ZC2HC1B: variants seen among roughly 807,000 people sequenced by gnomAD.
The protein encoded by ZC2HC1B is zinc finger C2HC-type containing 1B.
In ZC2HC1B, 36 loss-of-function variants were observed where a neutral mutation model predicts 31.0. The ratio of observed to expected loss-of-function variants is 1.16; its 90% CI spans 0.89 to 1.54. ZC2HC1B has a LOEUF of 1.54. Ranked by LOEUF, ZC2HC1B falls within the 40% of genes most tolerant of loss-of-function variation. The pLI is 0.00. For synonymous variants in ZC2HC1B, 73 were observed against 88.0 expected (o/e 0.83, Z 0.95); for missense variants, 260 against 268.6 (o/e 0.97, Z 0.22).
rs866396429 is a variant in ZC2HC1B at position 143,865,556 on chromosome 6, G to T, written c.28+989G>T. On this transcript the variant is annotated intron_variant, in intron 1 of 7. Transcript: ENST00000237275. The surrounding 1 kb of genome is among the most constrained non-coding windows in gnomAD (Gnocchi z 4.4). Reference sequence around the variant, plus strand: ...CTCCACAACATCTGTTGACGCAGAGGACTGTTTTTCAGTCTCCTCTCGCAG... The same window carrying T: ...CTCCACAACATCTGTTGACGCAGAGTACTGTTTTTCAGTCTCCTCTCGCAG... Among the ~76,000 whole-genome samples the T allele has an allele frequency of 1.3e-5, 2 of 152,284 alleles. No homozygotes were observed.
intron 1 of ZC2HC1B, among the ~76,000 whole-genome samples, chr6:143,881,399 A>G (rs1777465499): frequency 6.6e-6 from 1 of 151,870 alleles, no homozygotes; most frequent in African/African-American, 2.4e-5. Context: ...AAAAATAAAA[A>G]AGCTAGCTGG....
intron 4 of ZC2HC1B, among the ~76,000 whole-genome samples, chr6:143,892,643 G>T (rs1042076889): frequency 3.9e-5 from 6 of 152,124 alleles, no homozygotes; most frequent in Admixed American, 6.6e-5. Flanking sequence ...AATAGAGCAA[G>T]AACTTACTCC....
At chr6:143,927,087 C>T (rs1214077661) in intron 6 of ZC2HC1B, among the ~76,000 whole-genome samples, 6 of 151,978 alleles carry the variant, frequency 3.9e-5, no homozygotes, top group Non-Finnish European at 8.8e-5. Flanking sequence ...CGTGAGCCAC[C>T]GCGCCCGGCC....
Position 143,918,225 on chromosome 6 carries a change from C to T in ZC2HC1B, c.598+15073C>T, listed in dbSNP as rs1241494795. Reference sequence around the variant, plus strand: ...TTGTTGCCCAGGCTGAACTCAAGCTCCTGGGCTCAAGCAATCCTCCTACCC... The same window carrying T: ...TTGTTGCCCAGGCTGAACTCAAGCTTCTGGGCTCAAGCAATCCTCCTACCC... On this transcript the variant is annotated intron_variant, in intron 6 of 7. Transcript: ENST00000237275. The surrounding 1 kb of genome is among the most constrained non-coding windows in gnomAD (Gnocchi z 4.1). 1.3e-5 allele frequency among the ~76,000 whole-genome samples: 2 copies of T among 152,130 alleles called. No individual in the cohort carries two copies. Among genetic ancestry groups the T allele is most frequent in the Non-Finnish European group, 2.9e-5 (2 of 68,042 alleles).
intron 6 of ZC2HC1B, among the ~76,000 whole-genome samples, chr6:143,929,260 T>C (rs958971900): frequency 6.6e-6 from 1 of 152,198 alleles, no homozygotes; most frequent in Non-Finnish European, 1.5e-5. Flanking sequence ...GGTATGTTCC[T>C]TCTATGCCTT....
At chr6:143,937,811 C>G in intron 7 of ZC2HC1B, 78 bp downstream of exon 7, 2 of 1,065,664 alleles carry the variant, frequency 1.9e-6, no homozygotes, top group South Asian at 1.7e-5. Context: ...GCATAGTAAG[C>G]AAACTGAAGA....
chr6:143,935,985 A>G (rs958770471), intron 6 of ZC2HC1B, among the ~76,000 whole-genome samples: 1 of 152,110 alleles, frequency 6.6e-6, no homozygotes, highest in Non-Finnish European at 1.5e-5. Flanking sequence ...GGTATCATAT[A>G]TTATAAATCT....
chr6:143,893,008 A>C (rs1777618841), intron 4 of ZC2HC1B, among the ~76,000 whole-genome samples: 1 of 152,158 alleles, frequency 6.6e-6, no homozygotes, highest in South Asian at 2.1e-4. Context: ...TAAAGAAAAA[A>C]AAAAATGGAA....
At position 143,933,239 on chromosome 6, in the gene ZC2HC1B, T is replaced by C. The variant is rs1427127671; in HGVS notation, c.599-4410T>C. On this transcript the variant is annotated intron_variant, in intron 6 of 7. Coordinates refer to ENST00000237275, the MANE Select transcript of ZC2HC1B (RefSeq NM_001013623.3). The surrounding 1 kb of genome is among the most constrained non-coding windows in gnomAD (Gnocchi z 6.4). ...TCATTAGAGCAGGGTTGTTCTGTTA[T>C]GAGTTGCTATAATGTTCTGAGTTGG... 2.6e-5 allele frequency among the ~76,000 whole-genome samples: 4 copies of C among 152,156 alleles called. No individual in the cohort carries two copies. The highest frequency in any genetic ancestry group is 2.1e-4 in the South Asian group (1 of 4,826).
chr6:143,926,683 G>T (rs1178309888), intron 6 of ZC2HC1B, among the ~76,000 whole-genome samples: 1 of 151,822 alleles, frequency 6.6e-6, no homozygotes, highest in South Asian at 2.1e-4. Context: ...CTGTCTTGAC[G>T]ATCTGTCTAA....
At position 143,913,756 on chromosome 6, in the gene ZC2HC1B, T is replaced by C. The variant is rs74906715; in HGVS notation, c.598+10604T>C. Among the ~76,000 whole-genome samples the C allele has an allele frequency of 0.017, 2,562 of 152,326 alleles. 76 individuals are homozygous for C. Among genetic ancestry groups the C allele is most frequent in the African/African-American group, 0.057 (2,390 of 41,574 alleles). On this transcript the variant is annotated intron_variant, in intron 6 of 7. Transcript: ENST00000237275. This position sits in a 1 kb window ranked among gnomAD's most constrained non-coding sequence, Gnocchi z 5.7. Reference sequence around the variant, plus strand: ...GAGAAGCATGGTTTCCTGGGTCACATAGTCACTAATTGCTTCCCTTGGCTG... The same window carrying C: ...GAGAAGCATGGTTTCCTGGGTCACACAGTCACTAATTGCTTCCCTTGGCTG...
rs140472843 is a variant in ZC2HC1B at position 143,912,228 on chromosome 6, G to A, written c.598+9076G>A. Reference sequence around the variant, plus strand: ...TTACAACATGCTCTTTTATCTCAGCGAAGTTTATTACCCACCTTCTGAAAC... The same window carrying A: ...TTACAACATGCTCTTTTATCTCAGCAAAGTTTATTACCCACCTTCTGAAAC... On this transcript the variant is annotated intron_variant, in intron 6 of 7. Transcript: ENST00000237275. Among the ~76,000 whole-genome samples the A allele has an allele frequency of 2.6e-4, 39 of 152,226 alleles. 1 individual carries two copies. In the East Asian group the frequency reaches 5.8e-3, roughly 23 times the overall value.
rs1281053055 is a variant in ZC2HC1B at position 143,883,650 on chromosome 6, A to T, written c.29-654A>T. ...GTAATACAAAAAACCTTTTTTCAGA[A>T]TTTCATAATATTTTGCTTTTCTCAT... On this transcript the variant is annotated intron_variant, in intron 1 of 7. Transcript: ENST00000237275. The surrounding 1 kb of genome is among the most constrained non-coding windows in gnomAD (Gnocchi z 4.1). Among the ~76,000 whole-genome samples, 1 of 152,144 alleles carries T rather than the reference A, an allele frequency of 6.6e-6. No homozygotes were observed. The highest frequency in any genetic ancestry group is 2.4e-5 in the African/African-American group (1 of 41,444).
At chr6:143,890,367 T>C (rs1301091578) in intron 4 of ZC2HC1B, among the ~76,000 whole-genome samples, 1 of 140,120 alleles carries the variant, frequency 7.1e-6, no homozygotes, top group Non-Finnish European at 1.6e-5. Flanking sequence ...CCACAAAGTG[T>C]AATTCCTTAC....
In ZC2HC1B at chr6:143,869,244, G is replaced by A. The variant is rs1777307437; in HGVS notation, c.28+4677G>A. ...TAAGAGACACCCTAATAGATCTCCT[G>A]TATTCCATGCCTACTCTTCCTTACC... is the stretch of plus-strand genomic sequence containing the variant. On this transcript the variant is annotated intron_variant, in intron 1 of 7. Transcript: ENST00000237275. This position sits in a 1 kb window ranked among gnomAD's most constrained non-coding sequence, Gnocchi z 5.2. 6.6e-6 allele frequency among the ~76,000 whole-genome samples: 1 copy of A among 152,154 alleles called. No individual in the cohort carries two copies. Among genetic ancestry groups the A allele is most frequent in the African/African-American group, 2.4e-5 (1 of 41,434 alleles).
chr6:143,886,850 G>A lies in ZC2HC1B; in HGVS notation c.349+29G>A. 2.7e-6 allele frequency: 4 copies of A among 1,472,532 alleles called. No individual in the cohort carries two copies. The highest frequency in any genetic ancestry group is 3.6e-6 in the Non-Finnish European group (4 of 1,110,804). The allele number at this position is 1,472,532 out of a possible 1,614,324, so 91.2% of individuals were successfully genotyped here. ...TGTAGACATTTTGGGTTGCTTTTGA[G>A]GCTATGCTTGACTTTTGACCAAATC... is the stretch of plus-strand genomic sequence containing the variant. On this transcript the variant is annotated intron_variant, in intron 4 of 7. Coordinates refer to ENST00000237275, the MANE Select transcript of ZC2HC1B (RefSeq NM_001013623.3). The surrounding 1 kb of genome is among the most constrained non-coding windows in gnomAD (Gnocchi z 4.2).
chr6:143,867,024 G>A (rs1326575942), intron 1 of ZC2HC1B, among the ~76,000 whole-genome samples: 1 of 152,172 alleles, frequency 6.6e-6, no homozygotes, highest in African/African-American at 2.4e-5. Flanking sequence ...CCGTGTATAA[G>A]TACTTAATAC....
chr6:143,937,085 C>T (rs886265656), intron 6 of ZC2HC1B, among the ~76,000 whole-genome samples: 3 of 152,228 alleles, frequency 2.0e-5, no homozygotes, highest in South Asian at 4.1e-4. Context: ...CTGTCCCCTA[C>T]GATGTGGTCA....
Position 143,921,679 on chromosome 6 carries a change from C to T in ZC2HC1B, c.599-15970C>T, listed in dbSNP as rs929218489. 6.6e-6 allele frequency among the ~76,000 whole-genome samples: 1 copy of T among 152,082 alleles called. No homozygotes were observed. The highest frequency in any genetic ancestry group is 1.5e-5 in the Non-Finnish European group (1 of 68,014). Reference sequence around the variant, plus strand: ...GTGTGGTGGCTCACATTTATAATCCCGGTGCTTTGGGAGGCCAAAGTCAGA... The same window carrying T: ...GTGTGGTGGCTCACATTTATAATCCTGGTGCTTTGGGAGGCCAAAGTCAGA... On this transcript the variant is annotated intron_variant, in intron 6 of 7. Transcript: ENST00000237275. The surrounding 1 kb of genome is among the most constrained non-coding windows in gnomAD (Gnocchi z 6.1).
Sources: allele counts gnomAD v4.1 joint callset (sites outside exome capture counted in the v4.1 genomes callset), GRCh38; gene constraint gnomAD v4.1.1; non-coding constraint Gnocchi (gnomAD v3.1); transcripts MANE v1.5; gene names NCBI Gene and HGNC (gene_info 2026-07-23, HGNC 2026-07-21).